ANO10: variants seen among roughly 807,000 people sequenced by gnomAD.
ANO10 encodes the protein anoctamin 10.
A neutral mutation model predicts 74.7 loss-of-function variants in ANO10; 77 were observed. The ratio of observed to expected loss-of-function variants is 1.03; its 90% CI spans 0.86 to 1.25. ANO10 has a LOEUF of 1.25. Among genes scored for constraint, ANO10 ranks in the 50% most tolerant of loss-of-function variants. ANO10 has a pLI of 0.00. For missense variants in ANO10, 721 were observed against 778.1 expected, an observed-to-expected ratio of 0.93 and a Z score of 0.87; for synonymous variants, 279 against 284.9, an observed-to-expected ratio of 0.98 and a Z score of 0.21.
At chr3:43,618,426 C>T (rs921334291) in intron 1 of ANO10, among the ~76,000 whole-genome samples, 3 of 152,198 alleles carry the variant, frequency 2.0e-5, no homozygotes, top group African/African-American at 7.2e-5. Flanking sequence ...ACTCTCATTA[C>T]CCCAGATACT....
intron 1 of ANO10, among the ~76,000 whole-genome samples, chr3:43,688,901 T>C (rs1415067870): frequency 6.6e-6 from 1 of 151,922 alleles, no homozygotes; most frequent in Non-Finnish European, 1.5e-5. Flanking sequence ...AAAGGTTAAT[T>C]GGCTCATGGT....
chr3:43,427,838 T>A (rs1289800021), intron 12 of ANO10, among the ~76,000 whole-genome samples: 4 of 152,074 alleles, frequency 2.6e-5, no homozygotes, highest in African/African-American at 9.7e-5. Flanking sequence ...ATTTTTTGAG[T>A]TTCTGAAAAG....
At chr3:43,369,672 C>T (rs1012540190) in intron 12 of ANO10, among the ~76,000 whole-genome samples, 3 of 152,130 alleles carry the variant, frequency 2.0e-5, no homozygotes, top group Non-Finnish European at 4.4e-5. Context: ...ACTCTCCCTC[C>T]CAGGGCCATG....
At chr3:43,443,116 T>C (rs1371309911) in intron 11 of ANO10, among the ~76,000 whole-genome samples, 1 of 152,126 alleles carries the variant, frequency 6.6e-6, no homozygotes, top group Non-Finnish European at 1.5e-5. Flanking sequence ...CTTGCTCCAC[T>C]CCAACCAAGC....
intron 1 of ANO10, among the ~76,000 whole-genome samples, chr3:43,670,358 T>A (rs936784262): frequency 9.7e-5 from 10 of 103,564 alleles, no homozygotes; most frequent in Admixed American, 3.9e-4. Context: ...ATAAATAAAA[T>A]AATAAATCTG....
At chr3:43,532,166 C>T (rs2078499157) in intron 11 of ANO10, among the ~76,000 whole-genome samples, 1 of 152,130 alleles carries the variant, frequency 6.6e-6, no homozygotes, top group South Asian at 2.1e-4. Context: ...GGATAAAGGT[C>T]CCATAGTCAA....
Position 43,614,145 on chromosome 3 carries a change from T to C in ANO10, c.-12+7764A>G, listed in dbSNP as rs140666039. The stretch of plus-strand genomic sequence containing the variant: ...AGTATCTGGGGACACGCATCAAAGG[T>C]CAACGTTTTTGAACATTTATGCATT... On this transcript the variant is annotated intron_variant, in intron 1 of 12. Transcript: ENST00000292246. Among the ~76,000 whole-genome samples, 716 of 152,264 alleles carry C rather than the reference T, an allele frequency of 4.7e-3. 4 individuals carry two copies. Among genetic ancestry groups the C allele is most frequent in the African/African-American group, 0.017 (688 of 41,548 alleles).
At chr3:43,572,952 A>T (rs1043255743) in intron 7 of ANO10, among the ~76,000 whole-genome samples, 16 of 151,764 alleles carry the variant, frequency 1.1e-4, no homozygotes, top group African/African-American at 3.9e-4. Context: ...AGGAAGAGAG[A>T]GGCCTAAGAA....
At chr3:43,370,884 T>C (rs956848142) in intron 12 of ANO10, among the ~76,000 whole-genome samples, 5 of 152,298 alleles carry the variant, frequency 3.3e-5, no homozygotes, top group Admixed American at 6.5e-5. Flanking sequence ...CTTGTCTCTG[T>C]GGAGAAGTAC....
chr3:43,392,719 C>T (rs2092301014), intron 12 of ANO10, among the ~76,000 whole-genome samples: 1 of 152,194 alleles, frequency 6.6e-6, no homozygotes, highest in African/African-American at 2.4e-5. Context: ...AAGCCCTCTT[C>T]TCCACTCCTC....
intron 2 of ANO10, among the ~76,000 whole-genome samples, chr3:43,604,359 A>T (rs1164580999): frequency 6.6e-6 from 1 of 152,074 alleles, no homozygotes; most frequent in Non-Finnish European, 1.5e-5. Context: ...TTCCTGAGTC[A>T]TTGTGGGTAT....
At chr3:43,423,107 GA>G (rs1293800309) in intron 12 of ANO10, among the ~76,000 whole-genome samples, 1 of 142,118 alleles carries the variant, frequency 7.0e-6, no homozygotes, top group East Asian at 2.0e-4. Flanking sequence ...ATCACAGTCA[GA>G]TTTTTTTTGG....
chr3:43,555,066 T>G (rs770230977), intron 10 of ANO10, among the ~76,000 whole-genome samples: 7 of 152,150 alleles, frequency 4.6e-5, no homozygotes, highest in Non-Finnish European at 1.0e-4. Context: ...GAAATTATAT[T>G]TATCTCCCCT....
intron 12 of ANO10, among the ~76,000 whole-genome samples, chr3:43,399,506 C>A (rs1483450858): frequency 6.6e-6 from 1 of 152,036 alleles, no homozygotes; most frequent in Non-Finnish European, 1.5e-5. Context: ...TTGGTGGTTT[C>A]TTCACATTTT....
chr3:43,683,673 C>G (rs1333785243), intron 1 of ANO10, among the ~76,000 whole-genome samples: 2 of 152,218 alleles, frequency 1.3e-5, no homozygotes, highest in Non-Finnish European at 2.9e-5. Flanking sequence ...TACCTGACCT[C>G]AAACTATACT....
intron 4 of ANO10, among the ~76,000 whole-genome samples, chr3:43,583,433 T>C (rs1271671329): frequency 3.3e-5 from 5 of 152,198 alleles, no homozygotes; most frequent in African/African-American, 1.2e-4. Flanking sequence ...TAATAGCCAT[T>C]GAACCGTGAG....
rs1336476959 is a variant in ANO10, at chr3:43,561,302, C to T, written c.1394G>A (p.Arg465Lys). ...GTCTGCCTTTAAAGCCTGCACCTTC[C>T]TCTTCACCCGCACACCATGCTTCCT... The part of the protein sequence containing the change: ...LQRKHGVRVK[R>K]KVQALKADID... Residue 465 changes from arginine to lysine, a missense_variant, in exon 9 of 13, where the codon AGG (arginine) becomes AAG (lysine). Arg to Lys is a conservative substitution (Grantham distance 26). Coordinates refer to ENST00000292246, the MANE Select transcript of ANO10 (RefSeq NM_018075.5). 6.2e-7 allele frequency: 1 copy of T among 1,614,004 alleles called. No homozygotes were observed. The highest frequency in any genetic ancestry group is 8.5e-7 in the Non-Finnish European group (1 of 1,180,016).
intron 4 of ANO10, 142 bp from the exon 5 acceptor site, chr3:43,580,614 T>C: frequency 1.0e-6 from 1 of 971,430 alleles, no homozygotes; most frequent in East Asian, 2.7e-5. Flanking sequence ...ACCTGTATAT[T>C]CTTTCATTTT....
At chr3:43,468,836 G>T (rs1330684271) in intron 11 of ANO10, among the ~76,000 whole-genome samples, 2 of 150,492 alleles carry the variant, frequency 1.3e-5, no homozygotes, top group African/African-American at 4.9e-5. Flanking sequence ...TCAGCCTCCC[G>T]AGTAGCTGGG....
Sources: allele counts gnomAD v4.1 joint callset (sites outside exome capture counted in the v4.1 genomes callset), GRCh38; gene constraint gnomAD v4.1.1; transcripts MANE v1.5; gene names NCBI Gene and HGNC (gene_info 2026-07-23, HGNC 2026-07-21).